The following CDKN2A variants were observed in gnomAD, a reference collection of about 807,000 sequenced individuals.
The protein encoded by CDKN2A is cyclin-dependent kinase inhibitor 2A.
Under a neutral mutation model 11.1 loss-of-function variants are expected in CDKN2A, and 3 were observed. That is an observed-to-expected ratio of 0.27 (90% CI 0.12 to 0.70). CDKN2A has a LOEUF of 0.70. Ranked by LOEUF, CDKN2A falls within the 30% of genes least tolerant of loss-of-function variation. The probability of loss-of-function intolerance (pLI) is 0.77; values close to 1 mark genes in which losing one functional copy is unlikely to be tolerated. For synonymous variants in CDKN2A, 122 were observed against 108.1 expected (o/e 1.13, Z -0.80); for missense variants, 265 against 233.6 (o/e 1.13, Z -0.88).
intron 2 of CDKN2A, among the ~76,000 whole-genome samples, chr9:21,993,356 G>A (rs1447834109): frequency 6.6e-6 from 1 of 152,216 alleles, no homozygotes; most frequent in Admixed American, 6.5e-5. Flanking sequence ...TTTTCAAGAA[G>A]TAGGCCTCAT....
exon 2 of CDKN2A, chr9:21,993,928 C>G (rs1472920208): frequency 1.6e-6 from 1 of 625,368 alleles, no homozygotes; most frequent in African/African-American, 1.8e-5. Context: ...CAGTTTCCCA[C>G]GATTGAGGGG....
chr9:21,972,959 C>T (rs993217765), intron 1 of CDKN2A, among the ~76,000 whole-genome samples: 2 of 152,112 alleles, frequency 1.3e-5, no homozygotes, highest in Admixed American at 1.3e-4. Context: ...AGGAATTATA[C>T]TAAATTATAT....
At position 21,981,038 on chromosome 9, in the gene CDKN2A, G is replaced by A. The variant is rs1228694990; in HGVS notation, c.-3-9830C>T. Reference sequence around the variant, plus strand: ...TATATATACGTGTATATATATATACGTGTATATATATATATACGTGTATAT... The same window carrying A: ...TATATATACGTGTATATATATATACATGTATATATATATATACGTGTATAT... On this transcript the variant is annotated intron_variant, in intron 2 of 3. Coordinates refer to the CDKN2A transcript ENST00000494262. Among the ~76,000 whole-genome samples, 2 of 25,380 alleles carry A rather than the reference G, an allele frequency of 7.9e-5. 1 individual carries two copies. The highest frequency in any genetic ancestry group is 3.0e-4 in the African/African-American group (2 of 6,750). 16.7% of individuals were successfully genotyped at this position (25,380 alleles called of 152,430 possible).
chr9:21,992,077 G>A (rs1223144874), intron 2 of CDKN2A: 11 of 901,786 alleles, frequency 1.2e-5, no homozygotes, highest in South Asian at 5.1e-5. Context: ...TGGAATTTTA[G>A]TATATGTATT....
chr9:21,981,308 G>C (rs1192385548), intron 2 of CDKN2A, among the ~76,000 whole-genome samples: 4 of 150,474 alleles, frequency 2.7e-5, no homozygotes, highest in Non-Finnish European at 5.9e-5. Flanking sequence ...GATGCATTCT[G>C]ATAAATGACA....
chr9:21,973,076 A>AT (rs1334454705), intron 1 of CDKN2A, among the ~76,000 whole-genome samples: 13 of 152,160 alleles, frequency 8.5e-5, no homozygotes, highest in Non-Finnish European at 1.9e-4. Context: ...GAAAGACAAA[A>AT]TGTTGCAGTA....
In CDKN2A at chr9:21,967,831, C is replaced by G; in HGVS notation, c.*398G>C. On this transcript the variant is annotated 3_prime_UTR_variant, in exon 3 of 3. Coordinates refer to ENST00000304494, the MANE Select transcript of CDKN2A (RefSeq NM_000077.5). The stretch of plus-strand genomic sequence containing the variant: ...TGCTAGCAGTGTGACTCAAGAGAAG[C>G]CAGTAACCCCCCTGAGCTTCCCTAG... 1 of 317,712 alleles carries G rather than the reference C, an allele frequency of 3.1e-6. No individual in the cohort carries two copies. Among genetic ancestry groups the G allele is most frequent in the African/African-American group, 2.1e-5 (1 of 47,898 alleles). 19.7% of individuals were successfully genotyped at this position (317,712 alleles called of 1,614,324 possible).
Position 21,974,593 on chromosome 9 carries a change from C to G in CDKN2A, c.150+85G>C, listed in dbSNP as rs2131110734. On this transcript the variant is annotated intron_variant, in intron 1 of 2. Coordinates refer to ENST00000304494, the MANE Select transcript of CDKN2A (RefSeq NM_000077.5). The surrounding 1 kb of genome is among the most constrained non-coding windows in gnomAD (Gnocchi z 5.2). ...CTCCCCTTTTTCCGGAGAATCGAAG[C>G]GCTACCTGATTCCAATTCCCCTGCA... 1.2e-6 allele frequency: 2 copies of G among 1,614,028 alleles called. No individual in the cohort carries two copies. Among genetic ancestry groups the G allele is most frequent in the Non-Finnish European group, 1.7e-6 (2 of 1,180,012 alleles).
chr9:21,968,918 G>A lies in CDKN2A; in HGVS notation c.458-676C>T. The stretch of plus-strand genomic sequence containing the variant: ...GTCTCAAGATTATTTTATTCCTGAG[G>A]GAGCATTTGCACTTGAAAGTCTCTT... On this transcript the variant is annotated intron_variant, in intron 2 of 2. Transcript: ENST00000304494. This position sits in a 1 kb window ranked among gnomAD's most constrained non-coding sequence, Gnocchi z 4.7. 3.7e-6 allele frequency: 3 copies of A among 800,280 alleles called. No individual in the cohort carries two copies. The highest frequency in any genetic ancestry group is 1.7e-5 in the African/African-American group (1 of 58,304). 49.6% of individuals were successfully genotyped at this position (800,280 alleles called of 1,614,324 possible).
In CDKN2A at chr9:21,968,254, A is replaced by G. The variant is rs983505944; in HGVS notation, c.458-12T>C. The G allele has an allele frequency of 1.9e-6, 3 of 1,613,994 alleles. No individual in the cohort carries two copies. Among genetic ancestry groups the G allele is most frequent in the African/African-American group, 2.7e-5 (2 of 75,026 alleles). On this transcript the variant is annotated splice_polypyrimidine_tract_variant and intron_variant, in intron 2 of 2. Transcript: ENST00000304494. The surrounding 1 kb of genome is among the most constrained non-coding windows in gnomAD (Gnocchi z 4.7). ...TCAATCGGGGATGTCTGCAGAGGGC[A>G]GAAAGAAAACAGGCGTTAGAAACCT...
upstream of CDKN2A, among the ~76,000 whole-genome samples, chr9:21,978,389 A>G (rs1204749820): frequency 6.6e-6 from 1 of 152,182 alleles, no homozygotes; most frequent in East Asian, 1.9e-4. Context: ...CCTGAGGTGC[A>G]AAATCCTAGA....
Position 21,968,400 on chromosome 9 carries a change from C to A in CDKN2A, c.458-158G>T. 1.0e-6 allele frequency: 1 copy of A among 972,416 alleles called. No homozygotes were observed. Among genetic ancestry groups the A allele is most frequent in the African/African-American group, 1.8e-5 (1 of 57,120 alleles). 60.2% of individuals were successfully genotyped at this position (972,416 alleles called of 1,614,324 possible). A position where few individuals can be genotyped will look rare whatever the true frequency, so the allele number is the denominator to read the frequency against. On this transcript the variant is annotated intron_variant, in intron 2 of 2. Transcript: ENST00000304494. The surrounding 1 kb of genome is among the most constrained non-coding windows in gnomAD (Gnocchi z 4.7). ...TGCATGTACCCGCCGCCACCGCTCTCCCACACCTCCCTGGTCCAGCAGCTA... is the reference window on the plus strand; with the variant it reads ...TGCATGTACCCGCCGCCACCGCTCTACCACACCTCCCTGGTCCAGCAGCTA...
At position 21,971,042 on chromosome 9, in the gene CDKN2A, A is replaced by C. The variant is rs1554654028; in HGVS notation, c.317T>G (p.Val106Gly). The change falls in exon 2 of 3, where the codon GTG becomes GGG. Residue 106 changes from valine (V) to glycine (G), a missense_variant. Physicochemically the swap from Val to Gly is moderately radical, Grantham distance 109. Coordinates refer to ENST00000304494, the MANE Select transcript of CDKN2A (RefSeq NM_000077.5). ...GGGCAGACGGCCCCAGGCATCGCGC[A>C]CGTCCAGCCGCGCCCCGGCCCGGTG... ...VLHRAGARLD[V>G]RDAWGRLPVD... The C allele has an allele frequency of 6.2e-7, 1 of 1,605,744 alleles. No homozygotes were observed. The highest frequency in any genetic ancestry group is 8.5e-7 in the Non-Finnish European group (1 of 1,179,320).
chr9:21,976,285 A>G (rs1334699637), upstream of CDKN2A, among the ~76,000 whole-genome samples: 1 of 151,614 alleles, frequency 6.6e-6, no homozygotes, highest in African/African-American at 2.4e-5. Flanking sequence ...AGGCTGAGGC[A>G]GGAGAATCGC....
At chr9:21,970,815 C>G in intron 2 of CDKN2A, 87 bp downstream of exon 2, 2 of 1,532,288 alleles carry the variant, frequency 1.3e-6, no homozygotes, top group Non-Finnish European at 1.8e-6. Flanking sequence ...AGACTGGTCT[C>G]CCGGGCTGAA....
intron 1 of CDKN2A, chr9:21,994,426 C>T: frequency 1.3e-6 from 2 of 1,594,806 alleles, no homozygotes. Flanking sequence ...TAACTGCAGA[C>T]TGGGACCCAC....
chr9:21,970,685 G>T lies in CDKN2A; in HGVS notation c.457+217C>A, dbSNP rs1225611861. The T allele has an allele frequency of 9.4e-6, 6 of 639,494 alleles. No individual in the cohort carries two copies. The East Asian group carries it at 1.6e-4, about 17-fold the overall frequency. 39.6% of individuals were successfully genotyped at this position (639,494 alleles called of 1,614,324 possible). ...CTTTGGGAAGTATAATGTACAAAAT[G>T]GGCTTTCACGTGCGCAAGTCCATTT... On this transcript the variant is annotated intron_variant, in intron 2 of 2. Coordinates refer to ENST00000304494, the MANE Select transcript of CDKN2A (RefSeq NM_000077.5).
chr9:21,969,170 G>A (rs867264317), intron 2 of CDKN2A, among the ~76,000 whole-genome samples: 1 of 152,202 alleles, frequency 6.6e-6, no homozygotes, highest in African/African-American at 2.4e-5. Context: ...ACTTTAGGAG[G>A]AGGAGGGGGG....
rs35741010 is a variant in CDKN2A, at chr9:21,971,055, C to T, written c.304G>A (p.Ala102Thr). ...DTLVVLHRAG[A>T]RLDVRDAWGR... ...CAGGCATCGCGCACGTCCAGCCGCG[C>T]CCCGGCCCGGTGCAGCACCACCAGC... The change falls in exon 2 of 3, where the codon GCG (alanine) becomes ACG (threonine). Residue 102 changes from alanine to threonine, a missense_variant. Ala to Thr is a moderately conservative substitution (Grantham distance 58). Transcript: ENST00000304494. 2 of 1,605,380 alleles carry T rather than the reference C, an allele frequency of 1.2e-6. No homozygotes were observed. Among genetic ancestry groups the T allele is most frequent in the Non-Finnish European group, 1.7e-6 (2 of 1,179,356 alleles).
Sources: allele counts gnomAD v4.1 joint callset (sites outside exome capture counted in the v4.1 genomes callset), GRCh38; gene constraint gnomAD v4.1.1; non-coding constraint Gnocchi (gnomAD v3.1); transcripts MANE v1.5; gene names NCBI Gene and HGNC (gene_info 2026-07-23, HGNC 2026-07-21).